Variants in MAML2 observed in about 807,000 individuals in gnomAD.
MAML2 encodes mastermind like transcriptional coactivator 2.
A neutral mutation model predicts 96.1 loss-of-function variants in MAML2; 22 were observed. The observed-to-expected ratio is 0.23, with a 90% CI of 0.16 to 0.33. The LOEUF is 0.33. Among genes scored for constraint, MAML2 ranks in the 10% least tolerant of loss-of-function variants. MAML2 has a pLI of 1.00. For missense variants in MAML2, 1,367 were observed against 1,392.4 expected (o/e 0.98, Z 0.29); for synonymous variants, 561 against 521.3 (o/e 1.08, Z -1.04).
chr11:96,326,358 C>CCT (rs111725703), intron 1 of MAML2, among the ~76,000 whole-genome samples: 3,202 of 147,732 alleles, frequency 0.022, 123 homozygotes, highest in African/African-American at 0.074. Context: ...CACACTAAAG[C>CCT]GTGTGTGTGT....
intron 2 of MAML2, among the ~76,000 whole-genome samples, chr11:96,007,167 TA>T (rs201623865): frequency 0.057 from 7,981 of 139,038 alleles, 720 homozygotes; most frequent in African/African-American, 0.19. Context: ...CATGTCCAGT[TA>T]ATTTTTTTTT....
At chr11:96,154,074 A>T (rs974275845) in intron 1 of MAML2, among the ~76,000 whole-genome samples, 2 of 152,204 alleles carry the variant, frequency 1.3e-5, no homozygotes, top group Non-Finnish European at 2.9e-5. Flanking sequence ...ATTTTCTTTG[A>T]CTCTGCAAAT....
At chr11:96,177,475 C>A (rs1219147193) in intron 1 of MAML2, among the ~76,000 whole-genome samples, 1 of 152,148 alleles carries the variant, frequency 6.6e-6, no homozygotes, top group Admixed American at 6.5e-5. Flanking sequence ...GGAGTACTTG[C>A]AGACAACCGT....
chr11:96,329,472 A>G (rs1324814985), intron 1 of MAML2, among the ~76,000 whole-genome samples: 1 of 152,252 alleles, frequency 6.6e-6, no homozygotes, highest in Non-Finnish European at 1.5e-5. Context: ...AACATATGTA[A>G]GAAGAGACTG....
chr11:96,085,493 A>G (rs1272311289), intron 2 of MAML2, among the ~76,000 whole-genome samples: 1 of 152,160 alleles, frequency 6.6e-6, no homozygotes, highest in African/African-American at 2.4e-5. Flanking sequence ...AAAAGGCAAA[A>G]CTAATTAGAA....
chr11:96,091,804 C>T (rs1161489247), intron 2 of MAML2, 88 bp downstream of exon 2: 2 of 1,497,800 alleles, frequency 1.3e-6, no homozygotes, highest in Non-Finnish European at 1.8e-6. Context: ...TTGATCTTGT[C>T]CCAATACAAA....
At chr11:96,102,170 G>A (rs570013034) in intron 1 of MAML2, among the ~76,000 whole-genome samples, 2 of 152,280 alleles carry the variant, frequency 1.3e-5, no homozygotes, top group South Asian at 4.1e-4. Context: ...CAGCTACTTG[G>A]GAGGCTGAGG....
At chr11:96,331,106 C>CA (rs1374873871) in intron 1 of MAML2, among the ~76,000 whole-genome samples, 2 of 151,932 alleles carry the variant, frequency 1.3e-5, no homozygotes, top group East Asian at 1.9e-4. Context: ...ACTGTCTCAA[C>CA]AAAAAAATAC....
intron 1 of MAML2, among the ~76,000 whole-genome samples, chr11:96,121,589 C>T (rs1445821323): frequency 6.6e-6 from 1 of 151,854 alleles, no homozygotes; most frequent in African/African-American, 2.4e-5. Context: ...CCTTATTAAT[C>T]ATAATGAACT....
intron 1 of MAML2, among the ~76,000 whole-genome samples, chr11:96,183,387 C>T (rs996154778): frequency 1.1e-4 from 14 of 128,818 alleles, no homozygotes; most frequent in African/African-American, 3.7e-4. Context: ...TCCCTTCCTC[C>T]GTTCCTCCCC....
intron 2 of MAML2, among the ~76,000 whole-genome samples, chr11:96,000,939 GAAAAAACAGAA>G (rs1858069777): frequency 6.6e-6 from 1 of 152,116 alleles, no homozygotes; most frequent in Non-Finnish European, 1.5e-5. Context: ...GGTCAAGCTT[GAAAAAACAGAA>G]GAAAGTATTT....
intron 2 of MAML2, among the ~76,000 whole-genome samples, chr11:96,007,897 G>T (rs1452792693): frequency 7.9e-6 from 1 of 127,238 alleles, no homozygotes; most frequent in Non-Finnish European, 1.6e-5. Context: ...GAGGGGGGAG[G>T]GGTAGCACTG....
At chr11:96,083,371 T>C (rs749773758) in intron 2 of MAML2, among the ~76,000 whole-genome samples, 1 of 152,156 alleles carries the variant, frequency 6.6e-6, no homozygotes, top group Non-Finnish European at 1.5e-5. Flanking sequence ...TCAGTGAAAC[T>C]CTCTTACTTT....
intron 1 of MAML2, among the ~76,000 whole-genome samples, chr11:96,244,612 A>G (rs1862487010): frequency 6.6e-6 from 1 of 152,222 alleles, no homozygotes; most frequent in African/African-American, 2.4e-5. Flanking sequence ...CAATTATAAC[A>G]CAAAGTTCTT....
chr11:96,065,714 C>T (rs574459446), intron 2 of MAML2, among the ~76,000 whole-genome samples: 1 of 152,274 alleles, frequency 6.6e-6, no homozygotes, highest in Middle Eastern at 3.4e-3. Context: ...TCTCATTTTA[C>T]AGTGATGGAA....
intron 1 of MAML2, among the ~76,000 whole-genome samples, chr11:96,291,984 A>G (rs1227123274): frequency 6.6e-6 from 1 of 152,226 alleles, no homozygotes; most frequent in Non-Finnish European, 1.5e-5. Flanking sequence ...GAACAATCAT[A>G]TATTAGGAAT....
chr11:95,994,639 G>T (rs1369314478), intron 2 of MAML2, among the ~76,000 whole-genome samples: 1 of 152,094 alleles, frequency 6.6e-6, no homozygotes, highest in Non-Finnish European at 1.5e-5. Flanking sequence ...ACATCAAGGT[G>T]GGAGAGAATG....
chr11:96,052,422 C>T (rs1859002923), intron 2 of MAML2, among the ~76,000 whole-genome samples: 1 of 152,198 alleles, frequency 6.6e-6, no homozygotes, highest in African/African-American at 2.4e-5. Flanking sequence ...TAATGCTTAT[C>T]AAGCTAAGTT....
chr11:96,123,365 T>C (rs1860382985), intron 1 of MAML2, among the ~76,000 whole-genome samples: 1 of 151,768 alleles, frequency 6.6e-6, no homozygotes, highest in Non-Finnish European at 1.5e-5. Context: ...GTCAGGGAGC[T>C]CACCTGGGTG....
Sources: allele counts gnomAD v4.1 joint callset (sites outside exome capture counted in the v4.1 genomes callset), GRCh38; gene constraint gnomAD v4.1.1; transcripts MANE v1.5; gene names NCBI Gene and HGNC (gene_info 2026-07-23, HGNC 2026-07-21).